SDK2: variants seen among roughly 807,000 people sequenced by gnomAD.
SDK2 encodes the protein protein sidekick-2.
SDK2 carries 105 observed loss-of-function variants against 253.9 expected under a neutral mutation model. The observed-to-expected ratio is 0.41, with a 90% confidence interval of 0.35 to 0.49. SDK2 has a LOEUF of 0.49. Among genes scored for constraint, SDK2 ranks in the 20% least tolerant of loss-of-function variants. The pLI, the probability that SDK2 is intolerant of heterozygous loss-of-function variation, is 0.06. For missense variants in SDK2, 2,608 were observed against 3,003.0 expected (o/e 0.87, Z 3.07); for synonymous variants, 1,249 against 1,234.9 (o/e 1.01, Z -0.24).
intron 1 of SDK2, among the ~76,000 whole-genome samples, chr17:73,528,748 C>A (rs9910305): frequency 0.015 from 2,323 of 152,080 alleles, 67 homozygotes; most frequent in African/African-American, 0.052. Context: ...AATCTCTCTA[C>A]GGCTCATCTG....
At position 73,388,173 on chromosome 17, in the gene SDK2, C is replaced by T; in HGVS notation, c.4193-136G>A. 3 of 660,132 alleles carry T rather than the reference C, an allele frequency of 4.5e-6. No homozygotes were observed. In the South Asian group the frequency reaches 5.5e-5, roughly 12 times the overall value. The allele number at this position is 660,132 out of a possible 1,614,324, so 40.9% of individuals were successfully genotyped here. ...CCTTCCCATCCCAATTCCATGCACG[C>T]AGGATCCTTGCAGGTTCTCACACCT... On this transcript the variant is annotated intron_variant, in intron 29 of 44. Transcript: ENST00000392650.
chr17:73,533,483 T>C (rs2064186961), intron 1 of SDK2, among the ~76,000 whole-genome samples: 1 of 152,224 alleles, frequency 6.6e-6, no homozygotes, highest in South Asian at 2.1e-4. Flanking sequence ...CCCACGTCCC[T>C]GGACACAGGC....
At chr17:73,596,592 G>A (rs1567863518) in intron 1 of SDK2, among the ~76,000 whole-genome samples, 1 of 152,114 alleles carries the variant, frequency 6.6e-6, no homozygotes, top group African/African-American at 2.4e-5. Context: ...TCTGTTTCCC[G>A]CAGTGACATG....
rs889081647 is a variant in SDK2, at chr17:73,361,535, G to A, written c.5467+149C>T. ...GGAGCCCGGGAGGAGGGAGCGGGGG[G>A]AGGGGTCACTGGGCACCAGGGGAAA... On this transcript the variant is annotated intron_variant, in intron 39 of 44. Coordinates refer to ENST00000392650, the MANE Select transcript of SDK2 (RefSeq NM_001144952.2). This position sits in a 1 kb window ranked among gnomAD's most constrained non-coding sequence, Gnocchi z 4.1. 6.3e-5 allele frequency: 44 copies of A among 701,148 alleles called. No homozygotes were observed. The highest frequency in any genetic ancestry group is 6.0e-4 in the African/African-American group (34 of 56,760). The allele number at this position is 701,148 out of a possible 1,614,324, so 43.4% of individuals were successfully genotyped here. A position where few individuals can be genotyped will look rare whatever the true frequency, so the allele number is the denominator to read the frequency against.
intron 1 of SDK2, among the ~76,000 whole-genome samples, chr17:73,554,619 AT>A (rs1361920203): frequency 5.1e-4 from 77 of 152,304 alleles, no homozygotes; most frequent in Non-Finnish European, 7.4e-5. Flanking sequence ...GAGAAAATGA[AT>A]TTCCATCATT....
chr17:73,433,964 G>GGGAGGA, intron 9 of SDK2, 116 bp from the exon 10 acceptor site: 1 of 661,950 alleles, frequency 1.5e-6, no homozygotes, highest in Non-Finnish European at 2.6e-6. Context: ...CCCTGCCATG[G>GGGAGGA]TGAGGGGCCC....
At chr17:73,339,260 C>T (rs975082608) in intron 44 of SDK2, among the ~76,000 whole-genome samples, 12 of 144,622 alleles carry the variant, frequency 8.3e-5, no homozygotes, top group African/African-American at 1.8e-4. Flanking sequence ...GACAGAATCT[C>T]GCTGTTGCCA....
intron 11 of SDK2, 63 bp from the exon 12 acceptor site, chr17:73,430,676 G>T: frequency 8.8e-7 from 1 of 1,142,572 alleles, no homozygotes; most frequent in Non-Finnish European, 1.2e-6. Context: ...GCTGGACTCT[G>T]GGTGGATACC....
chr17:73,498,111 G>A (rs2063857563), intron 2 of SDK2, among the ~76,000 whole-genome samples: 1 of 152,188 alleles, frequency 6.6e-6, no homozygotes, highest in African/African-American at 2.4e-5. Context: ...TCTACACATG[G>A]GGGCCAGGAT....
At chr17:73,573,315 C>G (rs371250270) in intron 1 of SDK2, among the ~76,000 whole-genome samples, 1 of 152,116 alleles carries the variant, frequency 6.6e-6, no homozygotes, top group Admixed American at 6.5e-5. Flanking sequence ...AGAGCTCCAG[C>G]GTGGTGGGCT....
intron 29 of SDK2, 43 bp downstream of exon 29, chr17:73,390,244 C>A (rs551084384): frequency 1.0e-5 from 15 of 1,487,030 alleles, no homozygotes; most frequent in South Asian, 2.6e-5. Flanking sequence ...CTGGCCCCCC[C>A]TCAGCTGCCC....
chr17:73,405,473 T>C (rs1599532310), intron 18 of SDK2, among the ~76,000 whole-genome samples: 1 of 19,284 alleles, frequency 5.2e-5, no homozygotes, highest in Admixed American at 4.0e-4. Flanking sequence ...AAACCATATA[T>C]ATATATATAT....
At chr17:73,436,576 CAAAAAAAAAAAA>C (rs56089526) in intron 8 of SDK2, among the ~76,000 whole-genome samples, 7 of 38,832 alleles carry the variant, frequency 1.8e-4, no homozygotes, top group Non-Finnish European at 3.2e-4. Context: ...GACTCAGTCT[CAAAAAAAAAAAA>C]AAAAAAAAAA....
rs777794832 is a variant in SDK2 at position 73,438,084 on chromosome 17, T to C, written c.796A>G (p.Asn266Asp). ...GGGTTGGGGATGGTGAGCCGGCGGT[T>C]GTGGTCACTGATGCCGCCCGACAGC... The part of the protein sequence containing the change: ...VLLSGGISDH[N>D]RRLTIPNPTG... Residue 266 changes from asparagine (N) to aspartate (D), a missense_variant, in exon 7 of 45, where the codon AAC becomes GAC. Asn to Asp is a conservative substitution (Grantham distance 23, BLOSUM62 1). This residue lies in a region of SDK2 where 1,505 missense variants were observed against 1,859.1 expected (regional missense o/e 0.81). Transcript: ENST00000392650. 2 of 1,551,668 alleles carry C rather than the reference T, an allele frequency of 1.3e-6. No individual in the cohort carries two copies. The highest frequency in any genetic ancestry group is 2.4e-5 in the South Asian group (2 of 84,062).
At chr17:73,504,984 G>A (rs1303382408) in intron 2 of SDK2, among the ~76,000 whole-genome samples, 1 of 152,118 alleles carries the variant, frequency 6.6e-6, no homozygotes, top group Non-Finnish European at 1.5e-5. Context: ...GCACACCGTT[G>A]CCCCCAGGCC....
At chr17:73,572,306 C>T (rs1244653062) in intron 1 of SDK2, among the ~76,000 whole-genome samples, 4 of 152,078 alleles carry the variant, frequency 2.6e-5, no homozygotes, top group Admixed American at 2.6e-4. Flanking sequence ...CCCTACCTGC[C>T]GTGAGGGCTC....
At chr17:73,390,820 T>G (rs1190935909) in intron 28 of SDK2, among the ~76,000 whole-genome samples, 1 of 152,222 alleles carries the variant, frequency 6.6e-6, no homozygotes, top group Non-Finnish European at 1.5e-5. Flanking sequence ...CTTTCTGGGC[T>G]AATGCACTTG....
intron 21 of SDK2, among the ~76,000 whole-genome samples, chr17:73,400,568 C>T (rs1294242019): frequency 6.6e-6 from 1 of 152,136 alleles, no homozygotes; most frequent in African/African-American, 2.4e-5. Flanking sequence ...ATTCCGCCTG[C>T]TCTGAGGGGA....
At chr17:73,386,320 T>G in intron 31 of SDK2, 125 bp downstream of exon 31, 1 of 719,032 alleles carries the variant, frequency 1.4e-6, no homozygotes, top group South Asian at 1.7e-5. Context: ...CCCCGGGAGC[T>G]GAAGGGCCCA....
Sources: gnomAD v4.1 joint callset for allele counts (sites outside exome capture counted in the v4.1 genomes callset) on GRCh38, gnomAD v4.1.1 for gene constraint, gnomAD v4.1.1 regional missense constraint, Gnocchi (gnomAD v3.1) non-coding constraint, MANE v1.5 for transcripts, NCBI Gene and HGNC (gene_info 2026-07-23, HGNC 2026-07-21) for gene names.